IQSEC1: variants seen among roughly 807,000 people sequenced by gnomAD.
IQSEC1 encodes IQ motif and Sec7 domain ArfGEF 1.
In IQSEC1, 31 loss-of-function variants were observed where a neutral mutation model predicts 91.0. That is an observed-to-expected ratio of 0.34 (90% CI 0.26 to 0.46). The LOEUF is 0.46. IQSEC1 is among the 20% of genes least tolerant of loss of function. The probability of loss-of-function intolerance (pLI) is 1.00; values close to 1 mark genes in which losing one functional copy is unlikely to be tolerated. For missense variants in IQSEC1, 1,388 were observed against 1,575.6 expected, an observed-to-expected ratio of 0.88 and a Z score of 2.02; for synonymous variants, 699 against 662.6, an observed-to-expected ratio of 1.05 and a Z score of -0.84.
At chr3:13,144,902 G>A (rs147497062) in intron 2 of IQSEC1, among the ~76,000 whole-genome samples, 75 of 152,380 alleles carry the variant, frequency 4.9e-4, no homozygotes, top group African/African-American at 1.7e-3. Context: ...GATGGCGAGA[G>A]ACTCTGGCCA....
At chr3:13,004,428 T>C (rs1306487796) in intron 1 of IQSEC1, among the ~76,000 whole-genome samples, 1 of 152,052 alleles carries the variant, frequency 6.6e-6, no homozygotes, top group Non-Finnish European at 1.5e-5. Flanking sequence ...GGGAAGCCGA[T>C]GTGGAAACCC....
At chr3:13,052,285 AAATGG>A (rs1450216072) in intron 1 of IQSEC1, among the ~76,000 whole-genome samples, 1 of 152,230 alleles carries the variant, frequency 6.6e-6, no homozygotes, top group Admixed American at 6.5e-5. Context: ...AGTGCCACAC[AAATGG>A]AATCATCCAG....
chr3:12,990,074 T>C (rs1701918177), intron 1 of IQSEC1, among the ~76,000 whole-genome samples: 1 of 152,216 alleles, frequency 6.6e-6, no homozygotes, highest in Non-Finnish European at 1.5e-5. Flanking sequence ...AATAATGAAA[T>C]GCTCCCATAA....
At chr3:13,186,197 G>A (rs1425222425) in intron 1 of IQSEC1, among the ~76,000 whole-genome samples, 2 of 152,148 alleles carry the variant, frequency 1.3e-5, no homozygotes, top group Admixed American at 1.3e-4. Context: ...CACCCCACTG[G>A]AACGTCTGCT....
At chr3:13,257,489 A>C (rs1695311425) in intron 1 of IQSEC1, among the ~76,000 whole-genome samples, 1 of 151,842 alleles carries the variant, frequency 6.6e-6, no homozygotes, top group African/African-American at 2.4e-5. Context: ...AACCAGACTA[A>C]CCCTGGCTGG....
chr3:13,281,486 C>T (rs571354666), intron 1 of IQSEC1, among the ~76,000 whole-genome samples: 3 of 152,274 alleles, frequency 2.0e-5, no homozygotes, highest in Non-Finnish European at 2.9e-5. Context: ...ACCCACAGCC[C>T]GACCCCATCC....
In IQSEC1 at chr3:13,154,450, T is replaced by TACACACATAC. The variant is rs1559265492; in HGVS notation, c.302+9653_302+9654insGTATGTGTGT. ...TGGAACTTACATGCATATATATATA[T>TACACACATAC]ATATATATATATATATATATATATA... On this transcript the variant is annotated intron_variant, in intron 2 of 15. Transcript: ENST00000648114. Among the ~76,000 whole-genome samples, 62 of 99,836 alleles carry TACACACATAC rather than the reference T, an allele frequency of 6.2e-4. 17 individuals carry two copies. The highest frequency in any genetic ancestry group is 2.1e-3 in the African/African-American group (53 of 25,514). 65.5% of individuals were successfully genotyped at this position (99,836 alleles called of 152,430 possible). A position where few individuals can be genotyped will look rare whatever the true frequency, so the allele number is the denominator to read the frequency against.
intron 1 of IQSEC1, among the ~76,000 whole-genome samples, chr3:12,969,508 T>C (rs1700791674): frequency 6.6e-6 from 1 of 152,164 alleles, no homozygotes; most frequent in Non-Finnish European, 1.5e-5. Flanking sequence ...GCATCTGTCA[T>C]GGTTAGGGTA....
At chr3:13,210,502 ATAATT>A (rs1301279179) in intron 1 of IQSEC1, among the ~76,000 whole-genome samples, 1 of 152,140 alleles carries the variant, frequency 6.6e-6, no homozygotes, top group African/African-American at 2.4e-5. Context: ...CTCCCCTGGG[ATAATT>A]GCCTGTAGTG....
chr3:12,933,445 C>T (rs1697884630), intron 3 of IQSEC1, among the ~76,000 whole-genome samples: 1 of 152,210 alleles, frequency 6.6e-6, no homozygotes, highest in Admixed American at 6.5e-5. Flanking sequence ...TGTCACAGTC[C>T]CGCGCCCTGA....
chr3:12,962,561 C>T lies in IQSEC1; in HGVS notation c.24-20696G>A, dbSNP rs141769786. Among the ~76,000 whole-genome samples the T allele has an allele frequency of 2.2e-3, 338 of 152,334 alleles. 2 individuals carry two copies. Among genetic ancestry groups the T allele is most frequent in the African/African-American group, 7.8e-3 (326 of 41,568 alleles). On this transcript the variant is annotated intron_variant, in intron 1 of 13. Coordinates refer to ENST00000613206, the MANE Select transcript of IQSEC1 (RefSeq NM_001134382.3). ...GGGATCCAGTTCAGCACCCACACAC[C>T]TGTGTGTCCTCTAGTGATTCAAAAG...
intron 1 of IQSEC1, among the ~76,000 whole-genome samples, chr3:13,243,115 G>T (rs1270911786): frequency 2.0e-5 from 3 of 152,140 alleles, no homozygotes; most frequent in Non-Finnish European, 4.4e-5. Context: ...GTAAATCCAG[G>T]TGAAGTCCCT....
At chr3:13,221,917 C>T (rs1197153812) in intron 1 of IQSEC1, among the ~76,000 whole-genome samples, 2 of 152,214 alleles carry the variant, frequency 1.3e-5, no homozygotes, top group Non-Finnish European at 2.9e-5. Flanking sequence ...TGACCAGGCC[C>T]GCCTGGAGAT....
At chr3:12,945,189 G>A (rs111363315) in intron 1 of IQSEC1, among the ~76,000 whole-genome samples, 1 of 152,156 alleles carries the variant, frequency 6.6e-6, no homozygotes, top group Non-Finnish European at 1.5e-5. Flanking sequence ...TTTGGGCCCC[G>A]GGGCAGGGTA....
At chr3:13,120,123 G>GGCT (rs1163323159) in intron 2 of IQSEC1, among the ~76,000 whole-genome samples, 2 of 152,168 alleles carry the variant, frequency 1.3e-5, no homozygotes, top group African/African-American at 4.8e-5. Context: ...TGCTGCCAGC[G>GGCT]GCTCCCTCCC....
At chr3:12,959,953 C>T (rs752338627) in intron 1 of IQSEC1, among the ~76,000 whole-genome samples, 7 of 151,940 alleles carry the variant, frequency 4.6e-5, no homozygotes, top group Non-Finnish European at 8.8e-5. Flanking sequence ...TAAATGACGG[C>T]TCTGAGAACA....
At chr3:12,954,258 G>C (rs1177079412) in intron 1 of IQSEC1, among the ~76,000 whole-genome samples, 1 of 152,228 alleles carries the variant, frequency 6.6e-6, no homozygotes, top group Non-Finnish European at 1.5e-5. Context: ...AACCTGAGTG[G>C]GTTTTGGAGA....
intron 2 of IQSEC1, among the ~76,000 whole-genome samples, chr3:13,126,603 G>A (rs1488918191): frequency 2.0e-5 from 3 of 152,198 alleles, no homozygotes; most frequent in African/African-American, 7.2e-5. Flanking sequence ...CTGTTAAACT[G>A]TTTTCCAAGG....
At chr3:12,910,504 T>A (rs948035054) in intron 10 of IQSEC1, among the ~76,000 whole-genome samples, 1 of 152,130 alleles carries the variant, frequency 6.6e-6, no homozygotes, top group African/African-American at 2.4e-5. Flanking sequence ...GTCAGGACAA[T>A]GTGGGGATGG....
Sources: gnomAD v4.1 joint callset for allele counts (sites outside exome capture counted in the v4.1 genomes callset) on GRCh38, gnomAD v4.1.1 for gene constraint, MANE v1.5 for transcripts, NCBI Gene and HGNC (gene_info 2026-07-23, HGNC 2026-07-21) for gene names.